RHPN2: variants seen among roughly 807,000 people sequenced by gnomAD.
RHPN2 encodes the protein rhophilin-2.
Under a neutral mutation model 79.0 loss-of-function variants are expected in RHPN2, and 40 were observed. That is an observed-to-expected ratio of 0.51 (90% confidence interval 0.39 to 0.66). The LOEUF is 0.66. Ranked by LOEUF, RHPN2 falls within the 30% of genes least tolerant of loss-of-function variation. The pLI is 0.00. For missense variants in RHPN2, 686 were observed against 883.5 expected, an observed-to-expected ratio of 0.78 and a Z score of 2.83; for synonymous variants, 285 against 363.5, an observed-to-expected ratio of 0.78 and a Z score of 2.46.
intron 14 of RHPN2, among the ~76,000 whole-genome samples, chr19:32,981,424 G>GGGGC (rs1971573287): frequency 8.5e-6 from 1 of 117,544 alleles, no homozygotes; most frequent in Non-Finnish European, 1.7e-5. Context: ...AAAAGGGGGG[G>GGGGC]GGCGGGGGGA....
chr19:33,019,065 AAATAGT>A (rs1210963700), intron 4 of RHPN2, among the ~76,000 whole-genome samples: 1 of 151,862 alleles, frequency 6.6e-6, no homozygotes, highest in African/African-American at 2.4e-5. Flanking sequence ...AGAAAGAAAA[AAATAGT>A]AATAGTCAAA....
Position 33,064,801 on chromosome 19 carries a change from C to G in RHPN2, c.52G>C (p.Asp18His). 1 of 1,483,486 alleles carries G rather than the reference C, an allele frequency of 6.7e-7. No individual in the cohort carries two copies. 91.9% of individuals were successfully genotyped at this position (1,483,486 alleles called of 1,614,324 possible). Residue 18 changes from aspartate (D) to histidine (H), a missense_variant, in exon 1 of 15, where the codon GAC becomes CAC. By Grantham distance (81) the Asp-to-His change is moderately conservative. Transcript: ENST00000254260. ...AAPQPLEKENDGYFRKGCNPL... is the reference protein window; with the variant it reads ...AAPQPLEKENHGYFRKGCNPL... The stretch of plus-strand genomic sequence containing the variant: ...CCGCCCACCTTCCGAAAGTAGCCGT[C>G]GTTCTCCTTCTCCAGCGGCTGGGGG...
chr19:33,048,776 T>C (rs1287002699), intron 1 of RHPN2, among the ~76,000 whole-genome samples: 2 of 149,002 alleles, frequency 1.3e-5, no homozygotes, highest in East Asian at 3.9e-4. Context: ...AATTAAATAT[T>C]AAATAACTAA....
In RHPN2 at chr19:32,979,868, T is replaced by C. The variant is rs1971558869; in HGVS notation, c.*128A>G. 7.7e-6 allele frequency: 9 copies of C among 1,175,760 alleles called. No individual in the cohort carries two copies. Among genetic ancestry groups the C allele is most frequent in the Middle Eastern group, 4.1e-4 (2 of 4,842 alleles). 72.8% of individuals were successfully genotyped at this position (1,175,760 alleles called of 1,614,324 possible). On this transcript the variant is annotated 3_prime_UTR_variant, in exon 15 of 15. Transcript: ENST00000254260. The stretch of plus-strand genomic sequence containing the variant: ...TTCCTTCATAAAAACACATCAAATG[T>C]GAGTTTACACTATGAGAAAAACAGG...
chr19:32,987,517 C>T (rs1302968529), intron 14 of RHPN2, among the ~76,000 whole-genome samples: 5 of 152,170 alleles, frequency 3.3e-5, no homozygotes, highest in African/African-American at 9.7e-5. Context: ...GCATTCAATG[C>T]AACCCATCAC....
rs1263813357 is a variant in RHPN2 at position 33,044,360 on chromosome 19, C to T, written c.74G>A (p.Cys25Tyr). ...CCGGCCGGTTTGTGCAAGGGGATTA[C>T]AGCCCTGAGGAAAAATAAGAGATGC... ...KENDGYFRKGCNPLAQTGRSK... is the reference protein window; with the variant it reads ...KENDGYFRKGYNPLAQTGRSK... Residue 25 changes from cysteine (C) to tyrosine (Y), a missense_variant, in exon 2 of 15, where the codon TGT (cysteine) becomes TAT (tyrosine). Cys to Tyr is a radical substitution (Grantham distance 194). Coordinates refer to ENST00000254260, the MANE Select transcript of RHPN2 (RefSeq NM_033103.5). 2.5e-6 allele frequency: 4 copies of T among 1,613,152 alleles called. No homozygotes were observed. The highest frequency in any genetic ancestry group is 2.7e-5 in the African/African-American group (2 of 74,908).
intron 10 of RHPN2, among the ~76,000 whole-genome samples, chr19:32,998,436 A>G (rs1177372138): frequency 6.6e-6 from 1 of 152,112 alleles, no homozygotes. Context: ...GGAGGCCAGG[A>G]GTTCAAAACC....
intron 14 of RHPN2, among the ~76,000 whole-genome samples, chr19:32,985,701 G>A (rs1414618327): frequency 2.6e-5 from 4 of 152,206 alleles, no homozygotes; most frequent in East Asian, 1.9e-4. Context: ...GCTCGATCTC[G>A]GCTCACTGCA....
chr19:32,986,793 CAAA>C (rs200201106), intron 14 of RHPN2, among the ~76,000 whole-genome samples: 1 of 90,194 alleles, frequency 1.1e-5, no homozygotes. Context: ...GACTCTGTCT[CAAA>C]AAAAAAAAAA....
At chr19:33,022,243 C>G (rs1209434596) in intron 3 of RHPN2, among the ~76,000 whole-genome samples, 4 of 152,174 alleles carry the variant, frequency 2.6e-5, no homozygotes, top group Non-Finnish European at 5.9e-5. Context: ...CCTCTGAGCC[C>G]AGCTCAGTCT....
intron 6 of RHPN2, among the ~76,000 whole-genome samples, chr19:33,009,274 T>C (rs1971818215): frequency 6.7e-6 from 1 of 150,200 alleles, no homozygotes; most frequent in Non-Finnish European, 1.5e-5. Context: ...TAATGATGTG[T>C]CAGGTAAGTT....
chr19:33,019,176 G>A (rs1971903290), intron 4 of RHPN2, among the ~76,000 whole-genome samples: 1 of 152,148 alleles, frequency 6.6e-6, no homozygotes, highest in South Asian at 2.1e-4. Flanking sequence ...CAGGCACAGT[G>A]GCTCATGCCT....
intron 3 of RHPN2, 83 bp downstream of exon 3, chr19:33,026,421 A>G (rs895992943): frequency 1.9e-6 from 3 of 1,559,800 alleles, no homozygotes; most frequent in Admixed American, 3.4e-5. Context: ...CTAGAACGCT[A>G]TCTGACCTCT....
At chr19:33,011,489 C>T (rs922072642) in intron 6 of RHPN2, among the ~76,000 whole-genome samples, 190 bp downstream of exon 6, 1 of 152,194 alleles carries the variant, frequency 6.6e-6, no homozygotes, top group Non-Finnish European at 1.5e-5. Flanking sequence ...GGAGCCATCT[C>T]CCCTCGGATC....
intron 14 of RHPN2, among the ~76,000 whole-genome samples, chr19:32,981,422 G>GGGC (rs1260096750): frequency 1.7e-5 from 2 of 120,008 alleles, no homozygotes; most frequent in Non-Finnish European, 3.4e-5. Flanking sequence ...AAAAAAGGGG[G>GGGC]GGGGCGGGGG....
chr19:33,059,207 G>T (rs7259117), intron 1 of RHPN2, among the ~76,000 whole-genome samples: 82,182 of 151,454 alleles, frequency 0.54, 26,598 homozygotes, highest in African/African-American at 0.88. Context: ...TTCACCCCCC[G>T]CCTCGACTCC....
At chr19:33,053,706 C>G (rs746381566) in intron 1 of RHPN2, among the ~76,000 whole-genome samples, 2 of 152,018 alleles carry the variant, frequency 1.3e-5, no homozygotes, top group Non-Finnish European at 2.9e-5. Context: ...CAGGCGTGAG[C>G]CACTGTACCT....
chr19:33,004,395 TATGA>T (rs59551984), intron 7 of RHPN2, among the ~76,000 whole-genome samples: 2 of 152,230 alleles, frequency 1.3e-5, no homozygotes, highest in African/African-American at 4.8e-5. Context: ...TGCACAACAC[TATGA>T]ATGTACAAAT....
At chr19:33,040,251 T>C (rs966071403) in intron 2 of RHPN2, among the ~76,000 whole-genome samples, 9 of 145,424 alleles carry the variant, frequency 6.2e-5, no homozygotes, top group African/African-American at 2.4e-4. Flanking sequence ...TTTTTTTTTT[T>C]TTTGAGACGG....
Sources: allele counts gnomAD v4.1 joint callset (sites outside exome capture counted in the v4.1 genomes callset), GRCh38; gene constraint gnomAD v4.1.1; transcripts MANE v1.5; gene names NCBI Gene and HGNC (gene_info 2026-07-23, HGNC 2026-07-21).